FAM220A: variants seen among roughly 807,000 people sequenced by gnomAD.
FAM220A encodes protein FAM220A.
For missense variants in FAM220A, 392 were observed against 321.6 expected (o/e 1.22, Z -1.68); for synonymous variants, 141 against 130.7 (o/e 1.08, Z -0.54).
intron 1 of FAM220A, among the ~76,000 whole-genome samples, chr7:6,338,954 C>G (rs1274119016): frequency 1.3e-5 from 2 of 152,268 alleles, no homozygotes; most frequent in East Asian, 3.9e-4. Context: ...TGGGCCAGCT[C>G]CACACCCCTC....
Position 6,331,011 on chromosome 7 carries a change from A to G in FAM220A, c.144T>C (p.Asn48=). The change falls in exon 2 of 2, where the codon AAT becomes AAC. Residue 48 remains asparagine, a synonymous_variant. Transcript: ENST00000313324. The part of the protein sequence containing the change: ...PWPADAPSWM[N]KPVVDGNSQS... ...GTGAATTTCCATCAACCACAGGCTT[A>G]TTCATCCAGGAGGGTGCATCTGCAG... The G allele has an allele frequency of 6.2e-7, 1 of 1,614,166 alleles. No homozygotes were observed. The highest frequency in any genetic ancestry group is 8.5e-7 in the Non-Finnish European group (1 of 1,180,050).
intron 1 of FAM220A, among the ~76,000 whole-genome samples, chr7:6,337,174 C>G (rs917414533): frequency 6.6e-6 from 1 of 151,856 alleles, no homozygotes; most frequent in Non-Finnish European, 1.5e-5. Context: ...CGCACTCAAG[C>G]GACTCTCCTG....
chr7:6,334,857 C>T (rs1202619645), intron 1 of FAM220A, among the ~76,000 whole-genome samples: 1 of 152,038 alleles, frequency 6.6e-6, no homozygotes, highest in African/African-American at 2.4e-5. Flanking sequence ...CAACCTCCAC[C>T]TCCTGGGTTC....
chr7:6,338,380 A>C (rs1297126303), intron 1 of FAM220A, among the ~76,000 whole-genome samples: 2 of 152,142 alleles, frequency 1.3e-5, no homozygotes, highest in Admixed American at 6.6e-5. Context: ...AATTTAAAAA[A>C]CAGTGTAAAT....
chr7:6,343,373 G>A (rs138902930), intron 1 of FAM220A, among the ~76,000 whole-genome samples: 12 of 134,838 alleles, frequency 8.9e-5, no homozygotes, highest in Admixed American at 2.4e-4. Flanking sequence ...GTGAAACTCC[G>A]TCTCAAAAAA....
intron 1 of FAM220A, among the ~76,000 whole-genome samples, chr7:6,337,294 G>A (rs865850576): frequency 6.6e-6 from 1 of 151,882 alleles, no homozygotes; most frequent in East Asian, 1.9e-4. Context: ...CATTAATTTT[G>A]TATTTTGAGT....
intron 1 of FAM220A, among the ~76,000 whole-genome samples, chr7:6,333,643 C>T (rs1781683353): frequency 6.6e-6 from 1 of 150,956 alleles, no homozygotes; most frequent in South Asian, 2.1e-4. Context: ...GGATTACAGG[C>T]AGGCACCACC....
intron 1 of FAM220A, among the ~76,000 whole-genome samples, chr7:6,338,008 T>C (rs966301767): frequency 3.3e-5 from 5 of 151,880 alleles, no homozygotes; most frequent in Non-Finnish European, 7.4e-5. Context: ...TTCACCATGT[T>C]GGCCAGGCTG....
intron 1 of FAM220A, among the ~76,000 whole-genome samples, chr7:6,346,947 C>A (rs1043802376): frequency 6.6e-6 from 1 of 152,110 alleles, no homozygotes; most frequent in African/African-American, 2.4e-5. Flanking sequence ...CAGAGGTATG[C>A]AAATGGAATG....
intron 1 of FAM220A, among the ~76,000 whole-genome samples, chr7:6,333,638 ACAGG>A (rs1047141273): frequency 1.5e-4 from 22 of 151,522 alleles, no homozygotes; most frequent in African/African-American, 4.8e-4. Flanking sequence ...CACTGGGATT[ACAGG>A]CAGGCACCAC....
chr7:6,337,341 C>G lies in FAM220A; in HGVS notation c.-81-6106G>C, dbSNP rs370657536. Among the ~76,000 whole-genome samples the G allele has an allele frequency of 9.2e-4, 140 of 151,838 alleles. 2 individuals carry two copies. Among genetic ancestry groups the G allele is most frequent in the Middle Eastern group, 6.8e-3 (2 of 294 alleles). ...TTTACCATGATGGCCAGGCTGGTCT[C>G]TAACTCCTGACCTCAGGTGATCTAC... On this transcript the variant is annotated intron_variant, in intron 1 of 1. Transcript: ENST00000313324.
At chr7:6,348,429 C>T (rs1781997305) in intron 1 of FAM220A, 144 bp downstream of exon 1, 2 of 396,688 alleles carry the variant, frequency 5.0e-6, no homozygotes, top group African/African-American at 2.1e-5. Flanking sequence ...GTGGATCTCC[C>T]CAAAGTAGGG....
intron 1 of FAM220A, chr7:6,341,830 T>G (rs1781863647): frequency 6.6e-6 from 1 of 151,498 alleles, no homozygotes; most frequent in South Asian, 2.1e-4. Flanking sequence ...AAACTCTGTC[T>G]CTACTAAAAA....
At chr7:6,342,781 A>C (rs1219100591) in intron 1 of FAM220A, among the ~76,000 whole-genome samples, 1 of 152,148 alleles carries the variant, frequency 6.6e-6, no homozygotes, top group East Asian at 1.9e-4. Context: ...TCACACTTGT[A>C]ATCTCAGCAC....
chr7:6,341,088 G>A (rs1395121643), intron 1 of FAM220A, among the ~76,000 whole-genome samples: 1 of 150,100 alleles, frequency 6.7e-6, no homozygotes, highest in Middle Eastern at 3.2e-3. Context: ...AGCTTGCAGT[G>A]AGCTGAGATC....
chr7:6,346,082 T>C (rs763020745), intron 1 of FAM220A, among the ~76,000 whole-genome samples: 30 of 152,066 alleles, frequency 2.0e-4, no homozygotes, highest in Admixed American at 5.3e-4. Flanking sequence ...GTTTGTTTTT[T>C]AAAAATCCGG....
At chr7:6,347,883 T>TTTTATTATTAATTA (rs376869408) in intron 1 of FAM220A, among the ~76,000 whole-genome samples, 4 of 131,538 alleles carry the variant, frequency 3.0e-5, no homozygotes, top group African/African-American at 8.5e-5. Context: ...ACGAGACCCC[T>TTTTATTATTAATTA]TTATTATTAT....
In FAM220A at chr7:6,339,673, CAG is replaced by C. The variant is rs531925583; in HGVS notation, c.-81-8440_-81-8439del. The stretch of plus-strand genomic sequence containing the variant: ...TAATGTTTTGTATTTTTAGTAGAGA[CAG>C]GGTTTCACCATGGTCTCGATCTCCT... On this transcript the variant is annotated intron_variant, in intron 1 of 1. Transcript: ENST00000313324. Among the ~76,000 whole-genome samples, 4 of 151,868 alleles carry C rather than the reference CAG, an allele frequency of 2.6e-5. No homozygotes were observed. In the South Asian group the frequency reaches 8.3e-4, roughly 32 times the overall value.
chr7:6,339,522 C>T (rs751680632), intron 1 of FAM220A, among the ~76,000 whole-genome samples: 5 of 151,532 alleles, frequency 3.3e-5, no homozygotes, highest in East Asian at 1.9e-4. Flanking sequence ...CTCGCTCTGT[C>T]GCCCAGGCTG....
Sources: gnomAD v4.1 joint callset for allele counts (sites outside exome capture counted in the v4.1 genomes callset) on GRCh38, gnomAD v4.1.1 for gene constraint, MANE v1.5 for transcripts, NCBI Gene and HGNC (gene_info 2026-07-23, HGNC 2026-07-21) for gene names.